TENM2: variants seen among roughly 807,000 people sequenced by gnomAD.
TENM2 encodes teneurin-2.
In TENM2, 52 loss-of-function variants were observed where a neutral mutation model predicts 245.2. That is an observed-to-expected ratio of 0.21 (90% CI 0.17 to 0.27). The LOEUF (loss-of-function observed/expected upper bound fraction) is 0.27, where lower values mean the gene tolerates loss of function less well. Ranked by LOEUF, TENM2 falls within the 10% of genes least tolerant of loss-of-function variation. The pLI is 1.00. For missense variants in TENM2, 3,046 were observed against 3,666.8 expected, an observed-to-expected ratio of 0.83 and a Z score of 4.37; for synonymous variants, 1,363 against 1,438.9, an observed-to-expected ratio of 0.95 and a Z score of 1.19.
chr5:167,780,574 G>A (rs1764123961), intron 2 of TENM2, among the ~76,000 whole-genome samples: 1 of 152,166 alleles, frequency 6.6e-6, no homozygotes, highest in Non-Finnish European at 1.5e-5. Context: ...GCCATGATGT[G>A]CCTTACAGAG....
the TENM2 span, among the ~76,000 whole-genome samples, chr5:167,078,033 A>G: frequency 1.3e-5 from 2 of 152,004 alleles, no homozygotes; most frequent in Non-Finnish European, 2.9e-5. Flanking sequence ...TAGAACACTA[A>G]AAGATAAATA....
At chr5:168,206,747 G>A (rs1006231968) in intron 19 of TENM2, among the ~76,000 whole-genome samples, 9 of 152,118 alleles carry the variant, frequency 5.9e-5, no homozygotes, top group Non-Finnish European at 1.0e-4. Flanking sequence ...CACCCTGTGG[G>A]CAACAGAGAA....
chr5:168,231,780 CAAAAA>C (rs144113234), intron 25 of TENM2, among the ~76,000 whole-genome samples: 2 of 134,108 alleles, frequency 1.5e-5, no homozygotes, highest in African/African-American at 2.8e-5. Flanking sequence ...CAACAACAAC[CAAAAA>C]AAAAAAAAAA....
intron 4 of TENM2, among the ~76,000 whole-genome samples, chr5:167,988,892 A>T (rs1342831935): frequency 6.6e-6 from 1 of 152,250 alleles, no homozygotes; most frequent in East Asian, 1.9e-4. Flanking sequence ...TTCACGAAGC[A>T]GTGCCATATG....
At chr5:167,577,016 T>C (rs1646270380) in intron 2 of TENM2, among the ~76,000 whole-genome samples, 3 of 152,158 alleles carry the variant, frequency 2.0e-5, no homozygotes, top group Admixed American at 2.0e-4. Flanking sequence ...AAAATAGGAA[T>C]GCAGAGAGCA....
chr5:167,573,978 G>C (rs866181382), intron 2 of TENM2: 2 of 152,134 alleles, frequency 1.3e-5, no homozygotes, highest in Non-Finnish European at 2.9e-5. Context: ...GAGCGAGCTA[G>C]AGATGCTGCA....
the TENM2 span, among the ~76,000 whole-genome samples, chr5:167,024,186 C>A: frequency 3.9e-5 from 6 of 152,276 alleles, no homozygotes; most frequent in Non-Finnish European, 2.9e-5. Context: ...TCGAGTCTCT[C>A]ATTATTTCTT....
At chr5:167,061,879 T>C in the TENM2 span, among the ~76,000 whole-genome samples, 7 of 150,936 alleles carry the variant, frequency 4.6e-5, no homozygotes, top group East Asian at 9.7e-4. Context: ...CATTATCTCG[T>C]AGGCACAGCT....
intron 2 of TENM2, among the ~76,000 whole-genome samples, chr5:167,528,555 A>G (rs1771274951): frequency 1.3e-5 from 2 of 152,184 alleles, no homozygotes; most frequent in South Asian, 4.1e-4. Context: ...AATTCTTACC[A>G]TAGTATCTGC....
intron 7 of TENM2, among the ~76,000 whole-genome samples, chr5:168,067,146 G>A (rs1441547630): frequency 6.6e-6 from 1 of 152,152 alleles, no homozygotes; most frequent in African/African-American, 2.4e-5. Context: ...TATTAAAAAT[G>A]CCTATTTCAT....
chr5:167,224,027 T>C, the TENM2 span, among the ~76,000 whole-genome samples: 1 of 152,200 alleles, frequency 6.6e-6, no homozygotes, highest in African/African-American at 2.4e-5. Flanking sequence ...GCCCCGCTTT[T>C]TAATGGGATT....
intron 2 of TENM2, among the ~76,000 whole-genome samples, chr5:167,862,355 C>A (rs1326652808): frequency 6.6e-6 from 1 of 152,140 alleles, no homozygotes; most frequent in Non-Finnish European, 1.5e-5. Context: ...ATCCAGCATA[C>A]CACTAGGCTC....
chr5:168,250,884 G>A (rs1252404037), intron 27 of TENM2, among the ~76,000 whole-genome samples: 2 of 152,166 alleles, frequency 1.3e-5, no homozygotes, highest in Admixed American at 6.5e-5. Context: ...TTAATATTAG[G>A]TAATGATACA....
intron 2 of TENM2, among the ~76,000 whole-genome samples, chr5:167,412,015 A>T (rs547810186): frequency 6.6e-6 from 1 of 152,152 alleles, no homozygotes; most frequent in Non-Finnish European, 1.5e-5. Context: ...AGGAAATGTT[A>T]TCTGGGTGCT....
chr5:167,310,053 A>T (rs1178613557), intron 1 of TENM2, among the ~76,000 whole-genome samples: 1 of 151,260 alleles, frequency 6.6e-6, no homozygotes, highest in Non-Finnish European at 1.5e-5. Flanking sequence ...TCGGGTGAAT[A>T]CTAAAGCGCG....
intron 2 of TENM2, among the ~76,000 whole-genome samples, chr5:167,683,806 A>C (rs1265619592): frequency 6.6e-6 from 1 of 152,210 alleles, no homozygotes; most frequent in Non-Finnish European, 1.5e-5. Flanking sequence ...CGATCTATGA[A>C]TGGCCTGCCA....
At chr5:167,017,149 T>C in the TENM2 span, among the ~76,000 whole-genome samples, 1 of 152,204 alleles carries the variant, frequency 6.6e-6, no homozygotes, top group Non-Finnish European at 1.5e-5. Context: ...GAATGGACTC[T>C]GGGTAAAAAT....
intron 2 of TENM2, among the ~76,000 whole-genome samples, chr5:167,453,515 A>T (rs1055375297): frequency 2.0e-5 from 3 of 152,190 alleles, no homozygotes; most frequent in Admixed American, 2.0e-4. Context: ...TGATTGTATC[A>T]TCCACTGGTT....
chr5:167,057,326 C>T, the TENM2 span, among the ~76,000 whole-genome samples: 1 of 152,148 alleles, frequency 6.6e-6, no homozygotes, highest in Non-Finnish European at 1.5e-5. Flanking sequence ...ACCCTGCCAT[C>T]TCTAATCTGG....
Sources: gnomAD v4.1 joint callset for allele counts (sites outside exome capture counted in the v4.1 genomes callset) on GRCh38, gnomAD v4.1.1 for gene constraint, MANE v1.5 for transcripts, NCBI Gene and HGNC (gene_info 2026-07-23, HGNC 2026-07-21) for gene names.